Variants in PAPPA2 observed in about 807,000 individuals in gnomAD.
PAPPA2 encodes the protein pappalysin-2.
Under a neutral mutation model 176.4 loss-of-function variants are expected in PAPPA2, and 86 were observed. The ratio of observed to expected loss-of-function variants is 0.49; its 90% CI spans 0.41 to 0.58. The LOEUF (loss-of-function observed/expected upper bound fraction) is 0.58, where lower values mean the gene tolerates loss of function less well. Ranked by LOEUF, PAPPA2 falls within the 20% of genes least tolerant of loss-of-function variation. The pLI is 0.00. For missense variants in PAPPA2, 2,073 were observed against 2,256.9 expected (o/e 0.92, Z 1.65); for synonymous variants, 809 against 852.2 (o/e 0.95, Z 0.88).
At chr1:176,690,654 T>C (rs4492574) in intron 5 of PAPPA2, 327,032 of 1,344,732 alleles carry the variant, frequency 0.24, 40,967 homozygotes, top group South Asian at 0.35. Context: ...TCTCCTCTAC[T>C]AGATATTTTA....
At chr1:176,469,764 T>C (rs1394663952) in intron 1 of PAPPA2, among the ~76,000 whole-genome samples, 1 of 152,114 alleles carries the variant, frequency 6.6e-6, no homozygotes, top group Non-Finnish European at 1.5e-5. Context: ...CCCTGCTCCC[T>C]CCTTAGGGGT....
chr1:176,820,329 T>C (rs1378058704), intron 21 of PAPPA2, among the ~76,000 whole-genome samples: 1 of 152,120 alleles, frequency 6.6e-6, no homozygotes, highest in East Asian at 1.9e-4. Flanking sequence ...TTCAAATGGG[T>C]CAGGAGGCTC....
At chr1:176,609,352 C>T (rs1170073293) in intron 3 of PAPPA2, among the ~76,000 whole-genome samples, 1 of 152,056 alleles carries the variant, frequency 6.6e-6, no homozygotes, top group Non-Finnish European at 1.5e-5. Flanking sequence ...TTTTTCTTCT[C>T]TTATGGAGCT....
intron 1 of PAPPA2, among the ~76,000 whole-genome samples, chr1:176,505,290 G>A (rs1193046591): frequency 6.6e-6 from 1 of 152,006 alleles, no homozygotes; most frequent in Non-Finnish European, 1.5e-5. Flanking sequence ...TGCTTTAAAA[G>A]CAAACAAAAG....
intron 17 of PAPPA2, among the ~76,000 whole-genome samples, chr1:176,787,540 A>G (rs1157054131): frequency 2.6e-5 from 4 of 152,142 alleles, no homozygotes; most frequent in African/African-American, 9.7e-5. Flanking sequence ...CCGGCCAAAA[A>G]TTAGATTTCT....
intron 1 of PAPPA2, among the ~76,000 whole-genome samples, chr1:176,521,641 GT>G (rs934257608): frequency 5.9e-5 from 9 of 152,186 alleles, no homozygotes; most frequent in African/African-American, 2.2e-4. Flanking sequence ...GGAGGGAATA[GT>G]TTAACTGACG....
At chr1:176,518,101 A>G (rs946252075) in intron 1 of PAPPA2, among the ~76,000 whole-genome samples, 9 of 152,000 alleles carry the variant, frequency 5.9e-5, no homozygotes, top group Non-Finnish European at 1.5e-5. Context: ...GGGAAATTCT[A>G]TTTATCTGCT....
rs764901237 is a variant in PAPPA2 at position 176,842,469 on chromosome 1, C to T, written c.*15C>T. ...AAAATCAGTAACTGTGGGAACAAGC[C>T]CCTCCCTCCACTGCCTCAGAGGCAG... On this transcript the variant is annotated 3_prime_UTR_variant, in exon 23 of 23. Coordinates refer to ENST00000367662, the MANE Select transcript of PAPPA2 (RefSeq NM_020318.3). 3.7e-6 allele frequency: 6 copies of T among 1,609,662 alleles called. No homozygotes were observed. The highest frequency in any genetic ancestry group is 1.1e-5 in the South Asian group (1 of 90,964).
chr1:176,733,466 G>T (rs1339596352), intron 12 of PAPPA2, among the ~76,000 whole-genome samples: 5 of 152,068 alleles, frequency 3.3e-5, no homozygotes, highest in Admixed American at 2.0e-4. Flanking sequence ...TTTATTCTGA[G>T]GGTAAAGCAC....
At chr1:176,638,942 G>A (rs1656895247) in intron 3 of PAPPA2, among the ~76,000 whole-genome samples, 1 of 88,076 alleles carries the variant, frequency 1.1e-5, no homozygotes, top group African/African-American at 7.1e-5. Context: ...GCATGTGCGT[G>A]TGTGTGTGTG....
chr1:176,479,200 C>T (rs1652272699), intron 1 of PAPPA2, among the ~76,000 whole-genome samples: 1 of 152,120 alleles, frequency 6.6e-6, no homozygotes, highest in African/African-American at 2.4e-5. Context: ...TTCCCAAGGC[C>T]ACACAACTAG....
At chr1:176,515,785 C>G (rs998754049) in intron 1 of PAPPA2, among the ~76,000 whole-genome samples, 1 of 152,070 alleles carries the variant, frequency 6.6e-6, no homozygotes, top group African/African-American at 2.4e-5. Flanking sequence ...TTTCTTCTTT[C>G]TAGAGAAATG....
chr1:176,788,068 A>G (rs1268768724), intron 17 of PAPPA2, among the ~76,000 whole-genome samples: 3 of 152,080 alleles, frequency 2.0e-5, no homozygotes, highest in Non-Finnish European at 4.4e-5. Context: ...CTCAGAAAAA[A>G]AAAGAAAAAG....
At chr1:176,708,974 G>A (rs1330658792) in intron 10 of PAPPA2, among the ~76,000 whole-genome samples, 1 of 151,948 alleles carries the variant, frequency 6.6e-6, no homozygotes, top group Non-Finnish European at 1.5e-5. Context: ...AATATTAATT[G>A]TCTCATATTT....
rs78312372 is a variant in PAPPA2, at chr1:176,583,377, A to G, written c.920-11147A>G. On this transcript the variant is annotated intron_variant, in intron 2 of 22. Coordinates refer to ENST00000367662, the MANE Select transcript of PAPPA2 (RefSeq NM_020318.3). Reference sequence around the variant, plus strand: ...TTTTTATTGCTATAATCTTGTCTCAATACTGCTTTGGCTGTGTTCCATAGG... The same window carrying G: ...TTTTTATTGCTATAATCTTGTCTCAGTACTGCTTTGGCTGTGTTCCATAGG... Among the ~76,000 whole-genome samples, 368 of 152,018 alleles carry G rather than the reference A, an allele frequency of 2.4e-3. 1 individual carries two copies. The highest frequency in any genetic ancestry group is 7.5e-3 in the African/African-American group (312 of 41,484).
intron 14 of PAPPA2, among the ~76,000 whole-genome samples, chr1:176,747,496 C>G (rs552920545): frequency 6.6e-6 from 1 of 151,214 alleles, no homozygotes; most frequent in Non-Finnish European, 1.5e-5. Flanking sequence ...GGTCCTAGCC[C>G]AGACCAAAAA....
intron 18 of PAPPA2, among the ~76,000 whole-genome samples, chr1:176,790,216 G>T (rs1033569769): frequency 1.3e-5 from 2 of 152,128 alleles, no homozygotes; most frequent in Admixed American, 1.3e-4. Flanking sequence ...AGAGTACCAG[G>T]TATATTCCAA....
At chr1:176,507,749 A>G (rs1039709358) in intron 1 of PAPPA2, among the ~76,000 whole-genome samples, 35 of 152,128 alleles carry the variant, frequency 2.3e-4, no homozygotes, top group African/African-American at 7.9e-4. Context: ...CAATGAACAT[A>G]AGCAGGGATA....
At chr1:176,532,672 C>T (rs766458025) in intron 1 of PAPPA2, among the ~76,000 whole-genome samples, 118 of 152,174 alleles carry the variant, frequency 7.8e-4, no homozygotes, top group Admixed American at 1.8e-3. Context: ...TGGGTCAACG[C>T]AGCATCACTC....
Sources: allele counts gnomAD v4.1 joint callset (sites outside exome capture counted in the v4.1 genomes callset), GRCh38; gene constraint gnomAD v4.1.1; transcripts MANE v1.5; gene names NCBI Gene and HGNC (gene_info 2026-07-23, HGNC 2026-07-21).